CNTNAP2: variants seen among roughly 807,000 people sequenced by gnomAD.
CNTNAP2 encodes the protein contactin-associated protein-like 2.
Under a neutral mutation model 155.2 loss-of-function variants are expected in CNTNAP2, and 98 were observed. That is an observed-to-expected ratio of 0.63 (90% CI 0.54 to 0.75). The LOEUF (loss-of-function observed/expected upper bound fraction) is 0.75. Among genes scored for constraint, CNTNAP2 ranks in the 30% least tolerant of loss-of-function variants. CNTNAP2 has a pLI of 0.00. For synonymous variants in CNTNAP2, 651 were observed against 631.2 expected (o/e 1.03, Z -0.47); for missense variants, 1,727 against 1,688.1 (o/e 1.02, Z -0.40).
At chr7:147,871,797 G>T (rs17170715) in intron 13 of CNTNAP2, among the ~76,000 whole-genome samples, 5,912 of 151,938 alleles carry the variant, frequency 0.039, 367 homozygotes, top group African/African-American at 0.14. Context: ...CGAATAGTTC[G>T]GGAATTTATT....
At chr7:146,808,473 CACTTCTG>C (rs1317427671) in intron 2 of CNTNAP2, among the ~76,000 whole-genome samples, 1 of 152,118 alleles carries the variant, frequency 6.6e-6, no homozygotes, top group Non-Finnish European at 1.5e-5. Flanking sequence ...TGATTTTGCT[CACTTCTG>C]ACTTTGTAAC....
chr7:146,208,908 C>T (rs1798992137), intron 1 of CNTNAP2: 1 of 151,944 alleles, frequency 6.6e-6, no homozygotes, highest in African/African-American at 2.4e-5. Context: ...AAAATAACTG[C>T]TAAGATTTTT....
At position 146,287,967 on chromosome 7, in the gene CNTNAP2, T is replaced by C. The variant is rs1032650717; in HGVS notation, c.97+170994T>C. Among the ~76,000 whole-genome samples the C allele has an allele frequency of 2.0e-5, 3 of 152,148 alleles. No individual in the cohort carries two copies. The East Asian group carries it at 5.8e-4, about 29-fold the overall frequency. ...ATTTAAATTTGTATTAAATTTTCTC[T>C]TATGTCTTAAAATTAGAAAATCGAT... On this transcript the variant is annotated intron_variant, in intron 1 of 23. Coordinates refer to ENST00000361727, the MANE Select transcript of CNTNAP2 (RefSeq NM_014141.6).
intron 3 of CNTNAP2, among the ~76,000 whole-genome samples, chr7:146,985,055 A>G (rs1391047785): frequency 1.3e-5 from 2 of 152,158 alleles, no homozygotes; most frequent in African/African-American, 4.8e-5. Flanking sequence ...AAAAGTTTTC[A>G]CACTGTTTTC....
intron 1 of CNTNAP2, among the ~76,000 whole-genome samples, chr7:146,451,388 A>G (rs552072224): frequency 2.6e-5 from 4 of 152,110 alleles, no homozygotes; most frequent in Non-Finnish European, 5.9e-5. Flanking sequence ...CAATCAAACC[A>G]TCTCACTCCT....
intron 11 of CNTNAP2, among the ~76,000 whole-genome samples, chr7:147,545,106 G>C (rs549682277): frequency 1.3e-5 from 2 of 152,130 alleles, no homozygotes; most frequent in Non-Finnish European, 2.9e-5. Context: ...TTGGTGTAAA[G>C]AGGAATATAA....
intron 11 of CNTNAP2, among the ~76,000 whole-genome samples, chr7:147,506,897 C>T (rs2116680403): frequency 6.6e-6 from 1 of 152,338 alleles, no homozygotes; most frequent in Admixed American, 6.5e-5. Context: ...AGCCCCAACT[C>T]TGTCACTTAC....
At chr7:147,218,708 ATAAAG>A (rs761944148) in intron 8 of CNTNAP2, among the ~76,000 whole-genome samples, 3 of 152,074 alleles carry the variant, frequency 2.0e-5, no homozygotes, top group African/African-American at 7.2e-5. Flanking sequence ...CTGTTGTTGG[ATAAAG>A]TAGTCTGTAG....
intron 1 of CNTNAP2, among the ~76,000 whole-genome samples, chr7:146,564,082 A>C (rs947585105): frequency 6.6e-6 from 1 of 152,206 alleles, no homozygotes; most frequent in Admixed American, 6.5e-5. Flanking sequence ...TTATTATTTA[A>C]TCAACTAATC....
At chr7:147,772,489 C>CAAAA (rs1243346516) in intron 13 of CNTNAP2, among the ~76,000 whole-genome samples, 1,051 of 103,606 alleles carry the variant, frequency 0.01, 63 homozygotes, top group African/African-American at 0.04. Context: ...TATATACACA[C>CAAAA]ACAAAAAAAA....
chr7:146,929,452 CAAAGACCA>C (rs1585163350), intron 3 of CNTNAP2, among the ~76,000 whole-genome samples: 1 of 152,130 alleles, frequency 6.6e-6, no homozygotes, highest in East Asian at 1.9e-4. Flanking sequence ...TCACCATCAT[CAAAGACCA>C]AAAGTAGATA....
chr7:148,291,688 C>CA (rs1324955121), intron 21 of CNTNAP2, among the ~76,000 whole-genome samples: 1 of 152,126 alleles, frequency 6.6e-6, no homozygotes, highest in Non-Finnish European at 1.5e-5. Flanking sequence ...ATCAAGTTGA[C>CA]AGTTAGTATT....
At chr7:148,352,713 G>C (rs1307907286) in intron 21 of CNTNAP2, among the ~76,000 whole-genome samples, 2 of 152,166 alleles carry the variant, frequency 1.3e-5, no homozygotes, top group Non-Finnish European at 2.9e-5. Context: ...TAGGAGTATG[G>C]GGGGCTGTGG....
intron 3 of CNTNAP2, among the ~76,000 whole-genome samples, chr7:146,979,070 G>C (rs562105005): frequency 1.3e-3 from 197 of 152,232 alleles, no homozygotes; most frequent in African/African-American, 4.5e-3. Flanking sequence ...CCCATGTTTA[G>C]CAAAGTGAGT....
At chr7:147,517,119 C>T (rs1006742463) in intron 11 of CNTNAP2, among the ~76,000 whole-genome samples, 12 of 151,856 alleles carry the variant, frequency 7.9e-5, no homozygotes, top group African/African-American at 2.9e-4. Flanking sequence ...ATCTTCCCTC[C>T]ATGACCTCCC....
At chr7:148,179,948 T>C (rs952821260) in intron 18 of CNTNAP2, among the ~76,000 whole-genome samples, 7 of 152,226 alleles carry the variant, frequency 4.6e-5, no homozygotes, top group Admixed American at 4.6e-4. Flanking sequence ...GAACAAATTC[T>C]GTTCCACAGC....
At chr7:147,957,744 A>G (rs1426489479) in intron 14 of CNTNAP2, among the ~76,000 whole-genome samples, 1 of 152,190 alleles carries the variant, frequency 6.6e-6, no homozygotes, top group African/African-American at 2.4e-5. Flanking sequence ...TATATATTAA[A>G]TGGAAATCAA....
intron 13 of CNTNAP2, among the ~76,000 whole-genome samples, chr7:147,856,065 G>A (rs765673981): frequency 1.3e-5 from 2 of 152,074 alleles, no homozygotes; most frequent in South Asian, 2.1e-4. Context: ...TGAGGTCGAG[G>A]AGACCACCTG....
intron 12 of CNTNAP2, among the ~76,000 whole-genome samples, chr7:147,571,688 T>A (rs1364674191): frequency 2.0e-5 from 3 of 152,168 alleles, no homozygotes; most frequent in African/African-American, 7.2e-5. Flanking sequence ...AGCTCTCCTA[T>A]TCTATATTAG....
Sources: allele counts gnomAD v4.1 joint callset (sites outside exome capture counted in the v4.1 genomes callset), GRCh38; gene constraint gnomAD v4.1.1; transcripts MANE v1.5; gene names NCBI Gene and HGNC (gene_info 2026-07-23, HGNC 2026-07-21).